The following GAPVD1 variants were observed in gnomAD, a reference collection of about 807,000 sequenced individuals.
The protein encoded by GAPVD1 is GTPase activating protein and VPS9 domains 1.
A neutral mutation model predicts 155.5 loss-of-function variants in GAPVD1; 35 were observed. The ratio of observed to expected loss-of-function variants is 0.23; its 90% confidence interval spans 0.17 to 0.30. GAPVD1 has a LOEUF of 0.30. GAPVD1 is among the 10% of genes least tolerant of loss of function. GAPVD1 has a pLI of 1.00. For synonymous variants in GAPVD1, 636 were observed against 619.7 expected (o/e 1.03, Z -0.39); for missense variants, 1,429 against 1,775.7 (o/e 0.80, Z 3.51).
At chr9:125,352,266 A>G (rs1018337553) in intron 23 of GAPVD1, among the ~76,000 whole-genome samples, 1 of 152,176 alleles carries the variant, frequency 6.6e-6, no homozygotes, top group African/African-American at 2.4e-5. Flanking sequence ...CCGATCCCAC[A>G]TTTCCTTTCC....
rs118104628 is a variant in GAPVD1 at position 125,290,661 on chromosome 9, G to A, written c.-149-4797G>A. 2.0e-4 allele frequency among the ~76,000 whole-genome samples: 30 copies of A among 152,270 alleles called. No individual in the cohort carries two copies. The East Asian group carries it at 5.8e-3, about 29-fold the overall frequency. Reference sequence around the variant, plus strand: ...GTGGGGGATGGATTGGGAAAATACAGTGTGCATGTGTCACAACAGTAAGCG... The same window carrying A: ...GTGGGGGATGGATTGGGAAAATACAATGTGCATGTGTCACAACAGTAAGCG... On this transcript the variant is annotated intron_variant, in intron 2 of 27. Transcript: ENST00000297933.
chr9:125,309,735 A>G (rs1316652956), intron 8 of GAPVD1, among the ~76,000 whole-genome samples: 1 of 152,182 alleles, frequency 6.6e-6, no homozygotes, highest in East Asian at 1.9e-4. Flanking sequence ...ACTGCTATAC[A>G]TTAGTTTTTT....
At chr9:125,323,421 T>G (rs1010088117) in intron 10 of GAPVD1, among the ~76,000 whole-genome samples, 1 of 152,176 alleles carries the variant, frequency 6.6e-6, no homozygotes, top group East Asian at 1.9e-4. Context: ...TTCTCCTGCC[T>G]CAGCCTCCTG....
chr9:125,304,137 A>T (rs763428419), intron 5 of GAPVD1: 1 of 152,082 alleles, frequency 6.6e-6, no homozygotes, highest in Non-Finnish European at 1.5e-5. Context: ...AGCTCTCTGT[A>T]GCCTTTGAAC....
chr9:125,287,813 T>G (rs1466612301), intron 2 of GAPVD1: 1 of 152,216 alleles, frequency 6.6e-6, no homozygotes, highest in East Asian at 1.9e-4. Context: ...TGATCACGGC[T>G]CACTGCAACC....
Position 125,305,051 on chromosome 9 carries a change from T to G in GAPVD1, c.1030-12T>G. On this transcript the variant is annotated splice_polypyrimidine_tract_variant and intron_variant, in intron 5 of 27. Transcript: ENST00000297933. Reference sequence around the variant, plus strand: ...GTAGCTTATGTCTCCCTACCACTGCTTTGGGTTGCAGGTAGGCCGCCTTTT... The same window carrying G: ...GTAGCTTATGTCTCCCTACCACTGCGTTGGGTTGCAGGTAGGCCGCCTTTT... 2 of 1,597,200 alleles carry G rather than the reference T, an allele frequency of 1.3e-6. No homozygotes were observed. Among genetic ancestry groups the G allele is most frequent in the Non-Finnish European group, 1.7e-6 (2 of 1,164,710 alleles).
intron 12 of GAPVD1, among the ~76,000 whole-genome samples, chr9:125,327,420 C>G (rs552922342): frequency 6.6e-6 from 1 of 152,182 alleles, no homozygotes; most frequent in South Asian, 2.1e-4. Context: ...ATTGTTAGAG[C>G]AAATTGTATG....
chr9:125,268,206 A>C (rs1485031025), intron 1 of GAPVD1, among the ~76,000 whole-genome samples: 99 of 125,240 alleles, frequency 7.9e-4, no homozygotes, highest in South Asian at 6.1e-3. Flanking sequence ...CCCCCCCCCC[A>C]AAAAAAAACC....
intron 25 of GAPVD1, among the ~76,000 whole-genome samples, chr9:125,358,796 A>G (rs1057441902): frequency 1.2e-4 from 19 of 152,328 alleles, no homozygotes; most frequent in African/African-American, 4.6e-4. Flanking sequence ...CAAACCATAT[A>G]GACTACAAAC....
intron 2 of GAPVD1, among the ~76,000 whole-genome samples, chr9:125,275,718 T>C (rs1372731255): frequency 6.6e-6 from 1 of 152,106 alleles, no homozygotes; most frequent in African/African-American, 2.4e-5. Context: ...ATCTAGCCAC[T>C]GCACTCTAGC....
intron 2 of GAPVD1, among the ~76,000 whole-genome samples, chr9:125,286,845 A>T (rs758851393): frequency 2.6e-5 from 4 of 152,134 alleles, no homozygotes; most frequent in Admixed American, 1.3e-4. Flanking sequence ...GCACTTTGGG[A>T]GGCTGAGGTG....
Position 125,323,836 on chromosome 9 carries a change from C to T in GAPVD1, c.1771C>T (p.Leu591=). The T allele has an allele frequency of 6.2e-7, 1 of 1,612,686 alleles. No homozygotes were observed. The highest frequency in any genetic ancestry group is 8.5e-7 in the Non-Finnish European group (1 of 1,178,754). The change falls in exon 11 of 28, where the codon CTA becomes TTA. Residue 591 remains leucine (L), a synonymous_variant. Coordinates refer to ENST00000297933, the MANE Select transcript of GAPVD1 (RefSeq NM_001282680.3). ...CTCCAATTCAGTGTCCTCCCTAGACCTAGAAGGAGAGTCTGTGTCAGAACT... is the reference window on the plus strand; with the variant it reads ...CTCCAATTCAGTGTCCTCCCTAGACTTAGAAGGAGAGTCTGTGTCAGAACT... ...NRSNSVSSLD[L]EGESVSELGA...
At chr9:125,360,062 C>A (rs946984114) in intron 26 of GAPVD1, among the ~76,000 whole-genome samples, 2 of 152,098 alleles carry the variant, frequency 1.3e-5, no homozygotes, top group African/African-American at 2.4e-5. Context: ...TCTGTTATTT[C>A]TGGAATTACT....
Position 125,367,084 on chromosome 9 carries a change from T to A in GAPVD1, c.*4338T>A, listed in dbSNP as rs761057475. ...AACAGATAAAACCTTTCTATAAGTCTCAATTAATGAGCTTGCACAATCTTG... is the reference window on the plus strand; with the variant it reads ...AACAGATAAAACCTTTCTATAAGTCACAATTAATGAGCTTGCACAATCTTG... On this transcript the variant is annotated 3_prime_UTR_variant, in exon 28 of 28. Transcript: ENST00000297933. 4.6e-5 allele frequency: 7 copies of A among 152,234 alleles called. No individual in the cohort carries two copies. Among genetic ancestry groups the A allele is most frequent in the Admixed American group, 1.3e-4 (2 of 15,282 alleles). 9.4% of individuals were successfully genotyped at this position (152,234 alleles called of 1,614,324 possible). A position where few individuals can be genotyped will look rare whatever the true frequency, so the allele number is the denominator to read the frequency against.
At chr9:125,297,415 A>G (rs1840057266) in intron 3 of GAPVD1, among the ~76,000 whole-genome samples, 1 of 152,132 alleles carries the variant, frequency 6.6e-6, no homozygotes, top group South Asian at 2.1e-4. Context: ...AGGAAGTTAT[A>G]TTTTCTATTT....
chr9:125,269,982 G>A (rs746569400), intron 2 of GAPVD1, among the ~76,000 whole-genome samples: 1 of 152,006 alleles, frequency 6.6e-6, no homozygotes, highest in Non-Finnish European at 1.5e-5. Flanking sequence ...GCCTCTGGAA[G>A]TGCTGGGATA....
At chr9:125,342,164 T>C in intron 18 of GAPVD1, 55 bp from the exon 19 acceptor site, 1 of 854,882 alleles carries the variant, frequency 1.2e-6, no homozygotes, top group Non-Finnish European at 2.0e-6. Flanking sequence ...ACCAGTTAAC[T>C]TCCGAGTAGT....
chr9:125,331,914 T>A lies in GAPVD1; in HGVS notation c.2174-12T>A. The A allele has an allele frequency of 6.2e-7, 1 of 1,613,364 alleles. No homozygotes were observed. Among genetic ancestry groups the A allele is most frequent in the Non-Finnish European group, 8.5e-7 (1 of 1,179,328 alleles). ...AATCACAAATGTAACATACCTCTTA[T>A]CTTCTATTTAGAGGCCCCAGACCTA... On this transcript the variant is annotated splice_polypyrimidine_tract_variant and intron_variant, in intron 13 of 27. Transcript: ENST00000297933.
intron 2 of GAPVD1, among the ~76,000 whole-genome samples, chr9:125,282,801 C>T (rs959318510): frequency 2.0e-5 from 3 of 152,038 alleles, no homozygotes; most frequent in Non-Finnish European, 4.4e-5. Context: ...AGTCACGTTG[C>T]CAATAGGTGT....
Sources: allele counts gnomAD v4.1 joint callset (sites outside exome capture counted in the v4.1 genomes callset), GRCh38; gene constraint gnomAD v4.1.1; transcripts MANE v1.5; gene names NCBI Gene and HGNC (gene_info 2026-07-23, HGNC 2026-07-21).